The following MYT1L variants were observed in gnomAD, a reference collection of about 807,000 sequenced individuals.
MYT1L encodes the protein myelin transcription factor 1 like.
MYT1L carries 12 observed loss-of-function variants against 126.7 expected under a neutral mutation model. The observed-to-expected ratio is 0.09, with a 90% CI of 0.06 to 0.15. MYT1L has a LOEUF of 0.15. MYT1L is among the 10% of genes least tolerant of loss of function. MYT1L has a pLI of 1.00. For missense variants in MYT1L, 979 were observed against 1,585.2 expected, an observed-to-expected ratio of 0.62 and a Z score of 6.49; for synonymous variants, 541 against 604.2, an observed-to-expected ratio of 0.90 and a Z score of 1.53.
In MYT1L at chr2:2,274,481, A is replaced by C. The variant is rs566162638; in HGVS notation, c.-421+9923T>G. On this transcript the variant is annotated intron_variant, in intron 2 of 24. Transcript: ENST00000647738. ...CTTTTTTCCTAAAACATTTAGGAGA[A>C]TAAAGGGACATTCTTAATCACTCAT... 6.4e-5 allele frequency among the ~76,000 whole-genome samples: 9 copies of C among 141,092 alleles called. No homozygotes were observed. In the South Asian group the frequency reaches 1.9e-3, roughly 29 times the overall value. 92.6% of individuals were successfully genotyped at this position (141,092 alleles called of 152,430 possible). A position where few individuals can be genotyped will look rare whatever the true frequency, so the allele number is the denominator to read the frequency against.
At chr2:2,086,590 A>G (rs1040814126) in intron 3 of MYT1L, among the ~76,000 whole-genome samples, 15 of 151,958 alleles carry the variant, frequency 9.9e-5, no homozygotes, top group Non-Finnish European at 1.9e-4. Context: ...AATCCTGACA[A>G]CCTCCATGCC....
intron 19 of MYT1L, among the ~76,000 whole-genome samples, chr2:1,844,977 CT>C (rs34390205): frequency 0.35 from 45,856 of 132,800 alleles, 7,558 homozygotes; most frequent in East Asian, 0.55. Flanking sequence ...ATCCATCTTC[CT>C]TTTTTTTTTT....
intron 21 of MYT1L, among the ~76,000 whole-genome samples, chr2:1,823,906 G>A (rs2038933456): frequency 6.6e-6 from 1 of 152,234 alleles, no homozygotes; most frequent in Admixed American, 6.5e-5. Context: ...TTCAAGAGCT[G>A]AGTAGTCTCA....
chr2:2,187,852 A>G (rs2092322255), intron 2 of MYT1L, among the ~76,000 whole-genome samples: 1 of 152,118 alleles, frequency 6.6e-6, no homozygotes, highest in South Asian at 2.1e-4. Context: ...TCTTATCCCC[A>G]ATTCTTTTTA....
In MYT1L at chr2:1,790,290, T is replaced by G. The variant is rs1354447741; in HGVS notation, c.*1577A>C. 1 of 152,196 alleles carries G rather than the reference T, an allele frequency of 6.6e-6. No homozygotes were observed. Among genetic ancestry groups the G allele is most frequent in the Non-Finnish European group, 1.5e-5 (1 of 68,026 alleles). 9.4% of individuals were successfully genotyped at this position (152,196 alleles called of 1,614,324 possible). On this transcript the variant is annotated 3_prime_UTR_variant, in exon 25 of 25. Coordinates refer to ENST00000647738, the MANE Select transcript of MYT1L (RefSeq NM_001303052.2). ...AAATTTAAAGTACGTCTGTACTTCC[T>G]GCATAACATCAAGACATGGAAGGAA...
chr2:2,299,483 C>T (rs763222575), intron 1 of MYT1L, among the ~76,000 whole-genome samples: 9 of 152,100 alleles, frequency 5.9e-5, no homozygotes, highest in East Asian at 1.9e-4. Context: ...TAGTTTGGGA[C>T]GGTGATGTGT....
chr2:1,847,950 C>T (rs1418282460), intron 19 of MYT1L, among the ~76,000 whole-genome samples: 1 of 152,182 alleles, frequency 6.6e-6, no homozygotes, highest in Non-Finnish European at 1.5e-5. Context: ...TTAGGCACAC[C>T]TACTTCCTCC....
In MYT1L at chr2:1,809,236, T is replaced by C. The variant is rs1055511521; in HGVS notation, c.3081-69A>G. The C allele has an allele frequency of 2.1e-6, 3 of 1,440,710 alleles. No individual in the cohort carries two copies. In the African/African-American group the frequency reaches 4.2e-5, roughly 20 times the overall value. 89.2% of individuals were successfully genotyped at this position (1,440,710 alleles called of 1,614,324 possible). ...TCCCAGCCCTGCAGGGAAGTGGTGG[T>C]AAGCAAGGCGTAGAATAGCATTATT... On this transcript the variant is annotated intron_variant, in intron 21 of 24. Coordinates refer to ENST00000647738, the MANE Select transcript of MYT1L (RefSeq NM_001303052.2).
intron 2 of MYT1L, among the ~76,000 whole-genome samples, chr2:2,281,622 A>G (rs2095447934): frequency 6.6e-6 from 1 of 152,234 alleles, no homozygotes; most frequent in Admixed American, 6.5e-5. Flanking sequence ...TAACTTGTGT[A>G]TTTAGAAAAA....
At chr2:2,299,626 G>A (rs753348602) in intron 1 of MYT1L, among the ~76,000 whole-genome samples, 26 of 152,200 alleles carry the variant, frequency 1.7e-4, no homozygotes, top group Non-Finnish European at 3.7e-4. Flanking sequence ...ACTCCTGGAT[G>A]TCTTTCTAGT....
At chr2:2,178,272 G>A (rs1410903395) in intron 2 of MYT1L, among the ~76,000 whole-genome samples, 1 of 152,046 alleles carries the variant, frequency 6.6e-6, no homozygotes, top group African/African-American at 2.4e-5. Flanking sequence ...CGTAATACTT[G>A]TAAGCAACTT....
At chr2:1,958,850 T>C (rs1039201452) in intron 8 of MYT1L, among the ~76,000 whole-genome samples, 2 of 151,936 alleles carry the variant, frequency 1.3e-5, no homozygotes, top group African/African-American at 4.8e-5. Context: ...TTCACTATGC[T>C]ATGAGAGGTG....
chr2:2,303,847 A>G (rs569293447), intron 1 of MYT1L: 1 of 152,244 alleles, frequency 6.6e-6, no homozygotes, highest in Admixed American at 6.5e-5. Context: ...GTAACGCGAC[A>G]TTCAAGGAAG....
chr2:2,254,114 T>C (rs2094740011), intron 2 of MYT1L, among the ~76,000 whole-genome samples: 1 of 152,194 alleles, frequency 6.6e-6, no homozygotes, highest in African/African-American at 2.4e-5. Flanking sequence ...CACTGTGCAT[T>C]GTGTGTATCC....
intron 4 of MYT1L, among the ~76,000 whole-genome samples, chr2:2,028,455 G>A (rs1262832272): frequency 6.6e-6 from 1 of 152,178 alleles, no homozygotes; most frequent in African/African-American, 2.4e-5. Flanking sequence ...ACAAGAGGGA[G>A]GCTAGGAATC....
At position 1,811,149 on chromosome 2, in the gene MYT1L, C is replaced by G; in HGVS notation, c.3081-1982G>C. 6.6e-6 allele frequency: 1 copy of G among 152,198 alleles called. No individual in the cohort carries two copies. 9.4% of individuals were successfully genotyped at this position (152,198 alleles called of 1,614,324 possible). On this transcript the variant is annotated intron_variant, in intron 21 of 24. Transcript: ENST00000647738. The surrounding 1 kb of genome is among the most constrained non-coding windows in gnomAD (Gnocchi z 4.4). ...AATCTGCTGGTGCCTCGGTCTCGGA[C>G]TTCCAGTCTCCAGAACTTGGAGGAA...
intron 5 of MYT1L, among the ~76,000 whole-genome samples, chr2:1,980,228 T>C (rs1035646538): frequency 6.8e-6 from 1 of 147,710 alleles, no homozygotes; most frequent in East Asian, 1.9e-4. Context: ...ATATAACATA[T>C]ATATTTTGTA....
Position 1,917,209 on chromosome 2 carries a change from T to C in MYT1L, c.1614A>G (p.Pro538=). The C allele has an allele frequency of 6.2e-7, 1 of 1,612,782 alleles. No individual in the cohort carries two copies. Among genetic ancestry groups the C allele is most frequent in the Non-Finnish European group, 8.5e-7 (1 of 1,179,022 alleles). Residue 538 remains proline (P), a synonymous_variant, in exon 11 of 25, where the codon CCA becomes CCG. Coordinates refer to ENST00000647738, the MANE Select transcript of MYT1L (RefSeq NM_001303052.2). This position sits in a 1 kb window ranked among gnomAD's most constrained non-coding sequence, Gnocchi z 5.9. ...SGCPHKDRVP[P]EILAMHESVL... ...AGCGGTGAGACGTGGACTTACTTTC[T>C]GGAGGGACCCTATCTTTGTGCGGGC...
chr2:1,836,718 A>C (rs2040952144), intron 21 of MYT1L, among the ~76,000 whole-genome samples: 1 of 144,288 alleles, frequency 6.9e-6, no homozygotes, highest in South Asian at 2.2e-4. Context: ...CCTGCATCCC[A>C]AAATTCCATC....
Sources: allele counts gnomAD v4.1 joint callset (sites outside exome capture counted in the v4.1 genomes callset), GRCh38; gene constraint gnomAD v4.1.1; non-coding constraint Gnocchi (gnomAD v3.1); transcripts MANE v1.5; gene names NCBI Gene and HGNC (gene_info 2026-07-23, HGNC 2026-07-21).